The following SMOC2 variants were observed in gnomAD, a reference collection of about 807,000 sequenced individuals.
SMOC2 encodes SPARC-related modular calcium-binding protein 2.
SMOC2 carries 39 observed loss-of-function variants against 61.4 expected under a neutral mutation model. The ratio of observed to expected loss-of-function variants is 0.64; its 90% confidence interval spans 0.49 to 0.83. The LOEUF (loss-of-function observed/expected upper bound fraction) is 0.83, where lower values mean the gene tolerates loss of function less well. SMOC2 is among the 40% of genes least tolerant of loss of function. SMOC2 has a pLI of 0.00. For missense variants in SMOC2, 556 were observed against 592.9 expected, an observed-to-expected ratio of 0.94 and a Z score of 0.65; for synonymous variants, 247 against 239.9, an observed-to-expected ratio of 1.03 and a Z score of -0.27.
At chr6:168,655,442 G>A (rs1401402080) in intron 11 of SMOC2, 1 of 456,160 alleles carries the variant, frequency 2.2e-6, no homozygotes, top group African/African-American at 2.0e-5. Context: ...GTTCTTAGGA[G>A]GCAAGCCAGG....
At chr6:168,527,558 T>A (rs1783483455) in intron 3 of SMOC2, 70 bp from the exon 4 acceptor site, 1 of 1,101,858 alleles carries the variant, frequency 9.1e-7, no homozygotes, top group African/African-American at 1.6e-5. Context: ...GAAAGCAGAG[T>A]GGGCCTCGCA....
At chr6:168,617,004 G>A (rs1002934418) in intron 9 of SMOC2, among the ~76,000 whole-genome samples, 1 of 152,222 alleles carries the variant, frequency 6.6e-6, no homozygotes, top group Non-Finnish European at 1.5e-5. Flanking sequence ...GAAAGAAAGT[G>A]GACAGGATGC....
chr6:168,505,761 T>A (rs16887022), intron 1 of SMOC2, among the ~76,000 whole-genome samples: 7,335 of 152,308 alleles, frequency 0.048, 580 homozygotes, highest in African/African-American at 0.17. Context: ...TTCTGAAATC[T>A]GAGGAAGTCC....
At chr6:168,622,917 C>A (rs1786281352) in intron 9 of SMOC2, among the ~76,000 whole-genome samples, 1 of 152,174 alleles carries the variant, frequency 6.6e-6, no homozygotes, top group African/African-American at 2.4e-5. Context: ...CTGTAGAAAG[C>A]CGGATGTACT....
intron 7 of SMOC2, among the ~76,000 whole-genome samples, chr6:168,575,649 A>G (rs763005543): frequency 5.3e-5 from 8 of 152,210 alleles, no homozygotes; most frequent in African/African-American, 1.2e-4. Context: ...CATTTGAACC[A>G]GCCAAAAACA....
chr6:168,591,342 C>G (rs1446271385), intron 7 of SMOC2, among the ~76,000 whole-genome samples: 1 of 152,182 alleles, frequency 6.6e-6, no homozygotes, highest in Non-Finnish European at 1.5e-5. Flanking sequence ...GCACAAACCA[C>G]CAAATAGAAC....
At chr6:168,493,856 G>GTCTT (rs1439005334) in intron 1 of SMOC2, among the ~76,000 whole-genome samples, 2 of 152,156 alleles carry the variant, frequency 1.3e-5, no homozygotes, top group African/African-American at 2.4e-5. Context: ...GTTTTTAACT[G>GTCTT]TCTTTATCTT....
At position 168,651,934 on chromosome 6, in the gene SMOC2, G is replaced by A. The variant is rs1178078878; in HGVS notation, c.1011-1020G>A. Among the ~76,000 whole-genome samples, 5 of 151,902 alleles carry A rather than the reference G, an allele frequency of 3.3e-5. No individual in the cohort carries two copies. The East Asian group carries it at 7.8e-4, about 24-fold the overall frequency. On this transcript the variant is annotated intron_variant, in intron 10 of 12. Transcript: ENST00000356284. Reference sequence around the variant, plus strand: ...CAGGCACCTGTAATCCCAGCTACTCGGGAGGCTAAGGCAGGAGAATCACTT... The same window carrying A: ...CAGGCACCTGTAATCCCAGCTACTCAGGAGGCTAAGGCAGGAGAATCACTT...
At chr6:168,598,204 T>C (rs1304193045) in intron 7 of SMOC2, among the ~76,000 whole-genome samples, 1 of 152,226 alleles carries the variant, frequency 6.6e-6, no homozygotes, top group Non-Finnish European at 1.5e-5. Context: ...AGCGTGCACC[T>C]GTTCTGCTTA....
intron 1 of SMOC2, among the ~76,000 whole-genome samples, chr6:168,455,411 G>A (rs936401764): frequency 3.3e-5 from 5 of 152,206 alleles, no homozygotes; most frequent in African/African-American, 1.2e-4. Flanking sequence ...AAGGACGCTG[G>A]CTCGGCAGCC....
At chr6:168,517,996 A>C (rs2763242) in intron 2 of SMOC2, among the ~76,000 whole-genome samples, 132,030 of 152,284 alleles carry the variant, frequency 0.87, 58,767 homozygotes, top group Non-Finnish European at 0.96. Flanking sequence ...AACCCAAAGA[A>C]TTCTTTCTCT....
chr6:168,563,877 C>A (rs1028180724), intron 7 of SMOC2, among the ~76,000 whole-genome samples: 1 of 152,088 alleles, frequency 6.6e-6, no homozygotes, highest in Non-Finnish European at 1.5e-5. Flanking sequence ...GTCCGTAGAG[C>A]AAGCAGAGCT....
intron 9 of SMOC2, among the ~76,000 whole-genome samples, chr6:168,612,551 G>A (rs897364757): frequency 6.6e-6 from 1 of 150,754 alleles, no homozygotes; most frequent in Non-Finnish European, 1.5e-5. Context: ...TCAAACAGCA[G>A]CGCTGGGTTC....
At chr6:168,548,461 G>T (rs141331683) in intron 6 of SMOC2, among the ~76,000 whole-genome samples, 2 of 150,638 alleles carry the variant, frequency 1.3e-5, no homozygotes, top group Admixed American at 6.6e-5. Context: ...GGGCTCAAGC[G>T]ATTCTCCTGC....
intron 11 of SMOC2, among the ~76,000 whole-genome samples, chr6:168,658,582 G>C (rs1435919724): frequency 6.6e-6 from 1 of 152,156 alleles, no homozygotes; most frequent in Non-Finnish European, 1.5e-5. Flanking sequence ...CCTTGCTGGG[G>C]CAGATTCCTG....
intron 4 of SMOC2, among the ~76,000 whole-genome samples, chr6:168,541,190 C>A (rs1177466073): frequency 2.0e-5 from 3 of 152,160 alleles, no homozygotes; most frequent in Non-Finnish European, 4.4e-5. Context: ...TTTAGAATAG[C>A]ATTTAGATGG....
chr6:168,473,166 G>A (rs1562545858), intron 1 of SMOC2, among the ~76,000 whole-genome samples: 1 of 152,224 alleles, frequency 6.6e-6, no homozygotes, highest in Non-Finnish European at 1.5e-5. Context: ...AGTGGACAGA[G>A]CAGGGAGTGG....
intron 9 of SMOC2, among the ~76,000 whole-genome samples, chr6:168,633,080 C>T (rs1424664152): frequency 6.6e-6 from 1 of 152,222 alleles, no homozygotes; most frequent in Non-Finnish European, 1.5e-5. Flanking sequence ...ACCCAATCTG[C>T]ACTGCTGTTT....
chr6:168,568,517 A>G (rs955540658), intron 7 of SMOC2, among the ~76,000 whole-genome samples: 2 of 152,150 alleles, frequency 1.3e-5, no homozygotes, highest in African/African-American at 4.8e-5. Context: ...CTGATGTTGG[A>G]CATTCTATGA....
Sources: gnomAD v4.1 joint callset for allele counts (sites outside exome capture counted in the v4.1 genomes callset) on GRCh38, gnomAD v4.1.1 for gene constraint, MANE v1.5 for transcripts, NCBI Gene and HGNC (gene_info 2026-07-23, HGNC 2026-07-21) for gene names.